VTI1A: variants seen among roughly 807,000 people sequenced by gnomAD.
VTI1A encodes the protein vesicle transport through interaction with t-SNAREs 1A.
A neutral mutation model predicts 34.9 loss-of-function variants in VTI1A; 22 were observed. The observed-to-expected ratio is 0.63, with a 90% CI of 0.45 to 0.90. VTI1A has a LOEUF of 0.90. VTI1A is among the 40% of genes least tolerant of loss of function. VTI1A has a pLI of 0.00. For synonymous variants in VTI1A, 87 were observed against 97.3 expected (o/e 0.89, Z 0.62); for missense variants, 268 against 275.6 (o/e 0.97, Z 0.20).
At chr10:112,804,341 C>A (rs1413897040) in intron 7 of VTI1A, among the ~76,000 whole-genome samples, 1 of 152,230 alleles carries the variant, frequency 6.6e-6, no homozygotes. Flanking sequence ...ACCTTCCCAT[C>A]CAGCCACTGG....
At chr10:112,450,810 T>C (rs1205564252) in intron 1 of VTI1A, 1 of 152,114 alleles carries the variant, frequency 6.6e-6, no homozygotes, top group Non-Finnish European at 1.5e-5. Flanking sequence ...TATTTGAACA[T>C]TGTTTTTTTA....
chr10:112,751,506 A>G (rs1333386230), intron 7 of VTI1A, among the ~76,000 whole-genome samples: 7 of 151,540 alleles, frequency 4.6e-5, no homozygotes, highest in African/African-American at 1.5e-4. Flanking sequence ...AAGCCCTGCA[A>G]GCTGCATCTT....
chr10:112,658,378 C>T (rs7918768), intron 5 of VTI1A, among the ~76,000 whole-genome samples: 1,823 of 152,266 alleles, frequency 0.012, 29 homozygotes, highest in African/African-American at 0.042. Flanking sequence ...TGAGCTACCA[C>T]ACCCAGCTCA....
intron 5 of VTI1A, chr10:112,548,882 A>T (rs1589890161): frequency 1.5e-6 from 2 of 1,324,458 alleles, no homozygotes; most frequent in South Asian, 1.3e-5. Context: ...ATCACTTTTT[A>T]AAAAATCATT....
intron 7 of VTI1A, among the ~76,000 whole-genome samples, chr10:112,733,174 GTTTTGGTTTGATTTTTTAT>G (rs1229367164): frequency 3.3e-5 from 5 of 151,844 alleles, no homozygotes; most frequent in African/African-American, 4.8e-5. Context: ...GTGTTTTTGG[GTTTTGGTTTGATTTTTTAT>G]TTTTGGTTTG....
rs575247840 is a variant in VTI1A at position 112,468,226 on chromosome 10, G to A, written c.264+3569G>A. Among the ~76,000 whole-genome samples, 5 of 152,134 alleles carry A rather than the reference G, an allele frequency of 3.3e-5. No homozygotes were observed. The East Asian group carries it at 9.7e-4, about 29-fold the overall frequency. On this transcript the variant is annotated intron_variant, in intron 3 of 7. Coordinates refer to ENST00000393077, the MANE Select transcript of VTI1A (RefSeq NM_145206.4). ...CACCGGAGGACTTTGAGAAGTGAAC[G>A]GTCCTTCGACTCCTGTTTTACAGCT...
chr10:112,553,082 C>A (rs550520854), intron 5 of VTI1A, among the ~76,000 whole-genome samples: 1 of 152,324 alleles, frequency 6.6e-6, no homozygotes, highest in Admixed American at 6.5e-5. Flanking sequence ...TTTGTGTCTT[C>A]TACATAAAAA....
At chr10:112,726,019 A>C (rs1375822565) in intron 7 of VTI1A, among the ~76,000 whole-genome samples, 2 of 152,340 alleles carry the variant, frequency 1.3e-5, no homozygotes, top group Middle Eastern at 3.4e-3. Flanking sequence ...AGGAAATAGT[A>C]TATAAAGACT....
chr10:112,787,778 T>C (rs1852336852), intron 7 of VTI1A, among the ~76,000 whole-genome samples: 1 of 149,112 alleles, frequency 6.7e-6, no homozygotes, highest in African/African-American at 2.5e-5. Context: ...CTTGTCTCAT[T>C]GCAACCTCCA....
chr10:112,465,484 A>G (rs1162456186), intron 3 of VTI1A, among the ~76,000 whole-genome samples: 2 of 152,352 alleles, frequency 1.3e-5, no homozygotes, highest in East Asian at 1.9e-4. Flanking sequence ...ATAAATGGAT[A>G]CACAAAATGT....
rs575028290 is a variant in VTI1A at position 112,681,339 on chromosome 10, C to A, written c.560+12341C>A. Among the ~76,000 whole-genome samples the A allele has an allele frequency of 2.6e-4, 39 of 152,224 alleles. No homozygotes were observed. In the South Asian group the frequency reaches 6.6e-3, roughly 26 times the overall value. Reference sequence around the variant, plus strand: ...CAAGCAATCCTCTTGCCTCAGCCCCCCAAAGTGCTGAGATTGCAAGCATGA... The same window carrying A: ...CAAGCAATCCTCTTGCCTCAGCCCCACAAAGTGCTGAGATTGCAAGCATGA... On this transcript the variant is annotated intron_variant, in intron 7 of 7. Coordinates refer to ENST00000393077, the MANE Select transcript of VTI1A (RefSeq NM_145206.4).
At chr10:112,668,514 T>C (rs1847728923) in intron 6 of VTI1A, among the ~76,000 whole-genome samples, 1 of 152,156 alleles carries the variant, frequency 6.6e-6, no homozygotes, top group Non-Finnish European at 1.5e-5. Flanking sequence ...TTACTTCTTA[T>C]AGAGGAGAAG....
intron 5 of VTI1A, among the ~76,000 whole-genome samples, chr10:112,543,269 G>T (rs1308753730): frequency 1.3e-5 from 2 of 152,106 alleles, no homozygotes; most frequent in Non-Finnish European, 2.9e-5. Context: ...TTCCACAATG[G>T]TTGAACTAGT....
intron 5 of VTI1A, among the ~76,000 whole-genome samples, chr10:112,567,927 G>C (rs1008307386): frequency 6.6e-6 from 1 of 152,112 alleles, no homozygotes; most frequent in Non-Finnish European, 1.5e-5. Flanking sequence ...GCACACATCC[G>C]TATAGGCAAA....
At chr10:112,829,631 G>A in the VTI1A span, among the ~76,000 whole-genome samples, 1 of 151,956 alleles carries the variant, frequency 6.6e-6, no homozygotes. Context: ...GCAGGCACCT[G>A]TAGTCCTGGC....
chr10:112,697,195 CTTTTTTT>C lies in VTI1A; in HGVS notation c.560+28206_560+28212del, dbSNP rs757143967. ...GCAGATCTTTTGCTTTTCTTCTGTT[CTTTTTTT>C]TTTTTTTTCCAGACAGGGTCTTGCT... On this transcript the variant is annotated intron_variant, in intron 7 of 7. Transcript: ENST00000393077. Among the ~76,000 whole-genome samples, 2 of 140,106 alleles carry C rather than the reference CTTTTTTT, an allele frequency of 1.4e-5. 1 individual carries two copies. The highest frequency in any genetic ancestry group is 1.4e-4 in the Admixed American group (2 of 13,954). 91.9% of individuals were successfully genotyped at this position (140,106 alleles called of 152,430 possible). A position where few individuals can be genotyped will look rare whatever the true frequency, so the allele number is the denominator to read the frequency against.
At chr10:112,667,816 A>G (rs897794551) in intron 5 of VTI1A, among the ~76,000 whole-genome samples, 8 of 152,196 alleles carry the variant, frequency 5.3e-5, no homozygotes, top group Admixed American at 2.0e-4. Context: ...TCTGACATAC[A>G]TATGCAAAAT....
At chr10:112,810,431 A>G (rs1853243947) in intron 7 of VTI1A, among the ~76,000 whole-genome samples, 1 of 151,916 alleles carries the variant, frequency 6.6e-6, no homozygotes, top group Admixed American at 6.6e-5. Flanking sequence ...GTTAAAAATT[A>G]AAGTTCTCTG....
At chr10:112,597,450 G>C (rs1052724321) in intron 5 of VTI1A, among the ~76,000 whole-genome samples, 2 of 152,008 alleles carry the variant, frequency 1.3e-5, no homozygotes, top group South Asian at 4.2e-4. Context: ...ACTCCCGACC[G>C]CAGGTGATCT....
Sources: allele counts gnomAD v4.1 joint callset (sites outside exome capture counted in the v4.1 genomes callset), GRCh38; gene constraint gnomAD v4.1.1; transcripts MANE v1.5; gene names NCBI Gene and HGNC (gene_info 2026-07-23, HGNC 2026-07-21).